GABBR2: variants seen among roughly 807,000 people sequenced by gnomAD.
GABBR2 encodes gamma-aminobutyric acid type B receptor subunit 2, also known as G-protein coupled receptor 51.
In GABBR2, 23 loss-of-function variants were observed where a neutral mutation model predicts 105.6. The ratio of observed to expected loss-of-function variants is 0.22; its 90% CI spans 0.16 to 0.31. The LOEUF is 0.31. Among genes scored for constraint, GABBR2 ranks in the 10% least tolerant of loss-of-function variants. GABBR2 has a pLI of 1.00. For missense variants in GABBR2, 734 were observed against 1,245.5 expected (o/e 0.59, Z 6.18); for synonymous variants, 478 against 499.7 (o/e 0.96, Z 0.58).
intron 3 of GABBR2, among the ~76,000 whole-genome samples, chr9:98,534,005 T>C (rs2131730551): frequency 6.6e-6 from 1 of 152,274 alleles, no homozygotes; most frequent in South Asian, 2.1e-4. Context: ...GGTCTCCCCG[T>C]CCTCCCCTGC....
At chr9:98,638,765 G>A (rs1046254723) in intron 1 of GABBR2, among the ~76,000 whole-genome samples, 5 of 152,204 alleles carry the variant, frequency 3.3e-5, no homozygotes, top group Admixed American at 6.5e-5. Context: ...ACAAGATAAA[G>A]GTAATCACCC....
At chr9:98,419,733 T>G (rs1255606527) in intron 7 of GABBR2, among the ~76,000 whole-genome samples, 21 of 152,140 alleles carry the variant, frequency 1.4e-4, no homozygotes, top group Admixed American at 3.3e-4. Flanking sequence ...CAGAAGGCCT[T>G]GTCAGAGAGG....
At chr9:98,477,898 T>C (rs758561766) in intron 5 of GABBR2, among the ~76,000 whole-genome samples, 1 of 152,060 alleles carries the variant, frequency 6.6e-6, no homozygotes. Flanking sequence ...GCAGACAGGG[T>C]ACGGATCATT....
chr9:98,629,946 G>GT (rs375116930), intron 1 of GABBR2, among the ~76,000 whole-genome samples: 4 of 151,898 alleles, frequency 2.6e-5, no homozygotes, highest in South Asian at 2.1e-4. Flanking sequence ...AATCTACAAG[G>GT]TTTTTTTTCT....
chr9:98,564,741 A>C (rs545541293), intron 2 of GABBR2, among the ~76,000 whole-genome samples: 8 of 152,306 alleles, frequency 5.3e-5, no homozygotes, highest in Non-Finnish European at 1.0e-4. Flanking sequence ...GGGTACTGCT[A>C]AGACTCAGAT....
intron 1 of GABBR2, among the ~76,000 whole-genome samples, chr9:98,588,343 A>G (rs573296208): frequency 1.4e-4 from 21 of 152,388 alleles, no homozygotes; most frequent in African/African-American, 5.0e-4. Context: ...TCCAGGAAAC[A>G]GTAAGTTCAT....
chr9:98,544,875 C>T (rs754838104), intron 2 of GABBR2, among the ~76,000 whole-genome samples: 5 of 152,140 alleles, frequency 3.3e-5, no homozygotes, highest in Non-Finnish European at 1.5e-5. Context: ...GTAGTGAGTG[C>T]GGGAAATAAA....
intron 7 of GABBR2, among the ~76,000 whole-genome samples, chr9:98,438,802 G>C (rs892253927): frequency 1.3e-5 from 2 of 152,150 alleles, no homozygotes; most frequent in Non-Finnish European, 2.9e-5. Context: ...AACCTCATGC[G>C]TAAAAAGCAC....
intron 13 of GABBR2, among the ~76,000 whole-genome samples, chr9:98,347,391 T>A (rs993930413): frequency 1.3e-5 from 2 of 152,222 alleles, no homozygotes; most frequent in Non-Finnish European, 2.9e-5. Flanking sequence ...TTGAGAAATA[T>A]CTATTCTGAT....
At chr9:98,607,674 T>C (rs1454855115) in intron 1 of GABBR2, 2 of 744,766 alleles carry the variant, frequency 2.7e-6, no homozygotes, top group South Asian at 1.5e-5. Context: ...ATTTTACAAT[T>C]CTAAGAAATA....
chr9:98,576,096 C>T (rs1015941497), intron 2 of GABBR2, among the ~76,000 whole-genome samples: 3 of 152,340 alleles, frequency 2.0e-5, no homozygotes, highest in African/African-American at 7.2e-5. Context: ...AGCTTGTGCC[C>T]ACCACCCCTC....
intron 16 of GABBR2, among the ~76,000 whole-genome samples, chr9:98,301,093 G>A (rs1159615407): frequency 1.3e-5 from 2 of 152,160 alleles, no homozygotes; most frequent in African/African-American, 4.8e-5. Flanking sequence ...TAATAAGCTG[G>A]TAAATGTGTT....
chr9:98,505,744 C>T (rs143376621), intron 3 of GABBR2, among the ~76,000 whole-genome samples: 1 of 152,140 alleles, frequency 6.6e-6, no homozygotes, highest in African/African-American at 2.4e-5. Flanking sequence ...TGGAGTGATG[C>T]ATCTGCCGGC....
rs1240039497 is a variant in GABBR2 at position 98,333,672 on chromosome 9, C to G, written c.1894-22467G>C. On this transcript the variant is annotated intron_variant, in intron 13 of 18. Transcript: ENST00000259455. ...TAACATAATGACATCTGCAAAGACC[C>G]CTTTAGCAAATAAGGCCACATTTCA... is the stretch of plus-strand genomic sequence containing the variant. 2.6e-5 allele frequency among the ~76,000 whole-genome samples: 4 copies of G among 152,106 alleles called. No homozygotes were observed. In the East Asian group the frequency reaches 5.8e-4, roughly 22 times the overall value.
rs1830628237 is a variant in GABBR2 at position 98,311,075 on chromosome 9, G to A, written c.2004+20C>T. 2.2e-6 allele frequency: 3 copies of A among 1,354,004 alleles called. No individual in the cohort carries two copies. The highest frequency in any genetic ancestry group is 1.4e-5 in the African/African-American group (1 of 69,868). The allele number at this position is 1,354,004 out of a possible 1,614,324, so 83.9% of individuals were successfully genotyped here. On this transcript the variant is annotated intron_variant, in intron 14 of 18. Transcript: ENST00000259455. ...CAAAGAAGTGTCCCCCCTCAACACT[G>A]TCTCCTGCTCTGCACCTACCATGAG...
At chr9:98,497,103 G>A (rs571292168) in intron 3 of GABBR2, among the ~76,000 whole-genome samples, 2 of 152,326 alleles carry the variant, frequency 1.3e-5, no homozygotes, top group East Asian at 3.9e-4. Flanking sequence ...CTGTGTGGAA[G>A]GATATTACAG....
intron 1 of GABBR2, among the ~76,000 whole-genome samples, chr9:98,688,907 A>G (rs895971872): frequency 6.6e-6 from 1 of 152,182 alleles, no homozygotes; most frequent in Non-Finnish European, 1.5e-5. Flanking sequence ...CGTGATGGAG[A>G]TAAGAAAGAG....
rs552440609 is a variant in GABBR2 at position 98,301,345 on chromosome 9, C to T, written c.2412+1896G>A. The stretch of plus-strand genomic sequence containing the variant: ...AGGCACCCAGCGGGTGCCTGCTGCT[C>T]GTTGGTGGGGAAAACCCCACACACA... On this transcript the variant is annotated intron_variant, in intron 16 of 18. Transcript: ENST00000259455. 2.0e-5 allele frequency among the ~76,000 whole-genome samples: 3 copies of T among 152,296 alleles called. No individual in the cohort carries two copies. In the East Asian group the frequency reaches 5.8e-4, roughly 29 times the overall value.
At position 98,684,169 on chromosome 9, in the gene GABBR2, TA is replaced by T. The variant is rs3032196; in HGVS notation, c.321+24247del. ...AAAAGAAGAATGCATTTTACCACGG[TA>T]AAAAAAAAAAAAAAAAAAAAAAAAA... is the stretch of plus-strand genomic sequence containing the variant. On this transcript the variant is annotated intron_variant, in intron 1 of 18. Transcript: ENST00000259455. 2.1e-3 allele frequency among the ~76,000 whole-genome samples: 137 copies of T among 66,122 alleles called. 2 individuals are homozygous for T. The highest frequency in any genetic ancestry group is 0.01 in the South Asian group (20 of 1,950). The allele number at this position is 66,122 out of a possible 152,430, so 43.4% of individuals were successfully genotyped here. A position where few individuals can be genotyped will look rare whatever the true frequency, so the allele number is the denominator to read the frequency against.
Sources: gnomAD v4.1 joint callset for allele counts (sites outside exome capture counted in the v4.1 genomes callset) on GRCh38, gnomAD v4.1.1 for gene constraint, MANE v1.5 for transcripts, NCBI Gene and HGNC (gene_info 2026-07-23, HGNC 2026-07-21) for gene names.